LRCH3: variants seen among roughly 807,000 people sequenced by gnomAD.
LRCH3 encodes leucine rich repeats and calponin homology domain containing 3.
In LRCH3, 68 loss-of-function variants were observed where a neutral mutation model predicts 104.5. The observed-to-expected ratio is 0.65, with a 90% CI of 0.54 to 0.80. The LOEUF (loss-of-function observed/expected upper bound fraction) is 0.80, where lower values mean the gene tolerates loss of function less well. Ranked by LOEUF, LRCH3 falls within the 30% of genes least tolerant of loss-of-function variation. The pLI is 0.00. For missense variants in LRCH3, 951 were observed against 953.9 expected (o/e 1.00, Z 0.04); for synonymous variants, 344 against 361.3 (o/e 0.95, Z 0.54).
intron 11 of LRCH3, 122 bp from the exon 12 acceptor site, chr3:197,847,750 A>G (rs1738964180): frequency 1.9e-6 from 1 of 519,792 alleles, no homozygotes; most frequent in Non-Finnish European, 2.6e-6. Flanking sequence ...ATTTCAAGCA[A>G]TGCTAGGTGA....
intron 18 of LRCH3, among the ~76,000 whole-genome samples, 173 bp downstream of exon 18, chr3:197,870,451 T>C (rs1712027320): frequency 6.6e-6 from 1 of 152,122 alleles, no homozygotes; most frequent in Non-Finnish European, 1.5e-5. Context: ...CTGCAGCCTA[T>C]GCCTCGTGGG....
chr3:197,801,721 C>A lies in LRCH3; in HGVS notation c.262+10181C>A, dbSNP rs189215940. On this transcript the variant is annotated intron_variant, in intron 1 of 20. Transcript: ENST00000425562. ...TTCTTGAAGGAGGTATATTAGTTTT[C>A]TGTTGCTAAATAGCAAATTATTACA... is the stretch of plus-strand genomic sequence containing the variant. 8.2e-4 allele frequency among the ~76,000 whole-genome samples: 125 copies of A among 152,238 alleles called. 1 individual carries two copies. The highest frequency in any genetic ancestry group is 6.2e-4 in the South Asian group (3 of 4,826).
intron 10 of LRCH3, 75 bp downstream of exon 10, chr3:197,839,472 G>A: frequency 1.2e-6 from 1 of 843,392 alleles, no homozygotes; most frequent in South Asian, 1.7e-5. Context: ...GTTTTATGCA[G>A]ATCTGTGTGT....
intron 1 of LRCH3, among the ~76,000 whole-genome samples, chr3:197,802,236 G>T (rs1731979513): frequency 6.6e-6 from 1 of 152,112 alleles, no homozygotes; most frequent in African/African-American, 2.4e-5. Context: ...AGATACTCAG[G>T]GTATGAGATC....
chr3:197,867,042 A>T (rs1348055068), intron 17 of LRCH3, among the ~76,000 whole-genome samples: 2 of 152,180 alleles, frequency 1.3e-5, no homozygotes, highest in East Asian at 3.9e-4. Flanking sequence ...TGGGAGGCCA[A>T]GGCGAGCAGA....
chr3:197,820,373 C>G lies in LRCH3; in HGVS notation c.583C>G (p.Leu195Val), dbSNP rs921492651. ...IQTIPSQIGN[L>V]EALRDLNVRR... ...AACTATACCTTCCCAAATTGGTAAC[C>G]TGGAGGCCTTGAGAGACCTTAATGT... Residue 195 changes from leucine (L) to valine (V), a missense_variant, in exon 4 of 21, where the codon CTG becomes GTG. Leu to Val is a conservative substitution (Grantham distance 32, BLOSUM62 1). Coordinates refer to ENST00000425562, the MANE Select transcript of LRCH3 (RefSeq NM_001365715.1). 2.5e-6 allele frequency: 4 copies of G among 1,613,268 alleles called. No individual in the cohort carries two copies. The highest frequency in any genetic ancestry group is 1.7e-5 in the Admixed American group (1 of 59,970).
chr3:197,852,336 C>T (rs1334539745), intron 12 of LRCH3: 16 of 474,272 alleles, frequency 3.4e-5, no homozygotes, highest in East Asian at 2.0e-4. Flanking sequence ...ATAAGTTCAT[C>T]GAGTAAGAGG....
At chr3:197,821,840 C>G (rs2109224788) in intron 4 of LRCH3, among the ~76,000 whole-genome samples, 1 of 152,222 alleles carries the variant, frequency 6.6e-6, no homozygotes, top group African/African-American at 2.4e-5. Context: ...ATGTCACCTA[C>G]TTTTTGTATT....
chr3:197,795,684 T>TTG (rs1491568353), intron 1 of LRCH3, among the ~76,000 whole-genome samples: 1 of 129,066 alleles, frequency 7.7e-6, no homozygotes, highest in Non-Finnish European at 1.6e-5. Context: ...AAAAAAGTTG[T>TTG]TGTTTTTTTT....
At position 197,835,723 on chromosome 3, in the gene LRCH3, G is replaced by C. The variant is rs1736698066; in HGVS notation, c.1152G>C (p.Glu384Asp). ...QIDYIDSCTAEEEEAEVRQPK... is the reference protein window; with the variant it reads ...QIDYIDSCTADEEEAEVRQPK... The stretch of plus-strand genomic sequence containing the variant: ...ACTACATAGACAGCTGCACCGCAGA[G>C]GAAGAGGAGGCCGAGGTGAGACAGC... Residue 384 changes from glutamate (E) to aspartate (D), a missense_variant, in exon 9 of 21, where the codon GAG (glutamate) becomes GAC (aspartate). Glu to Asp is a conservative substitution (Grantham distance 45). Coordinates refer to ENST00000425562, the MANE Select transcript of LRCH3 (RefSeq NM_001365715.1). 1 of 1,613,886 alleles carries C rather than the reference G, an allele frequency of 6.2e-7. No individual in the cohort carries two copies. Among genetic ancestry groups the C allele is most frequent in the Non-Finnish European group, 8.5e-7 (1 of 1,180,012 alleles).
chr3:197,802,765 T>G (rs1013114051), intron 1 of LRCH3, among the ~76,000 whole-genome samples: 2 of 152,224 alleles, frequency 1.3e-5, no homozygotes, highest in Non-Finnish European at 2.9e-5. Flanking sequence ...TTATCCAGTT[T>G]GTTGGCGTAT....
At chr3:197,840,248 G>T (rs763797191) in intron 10 of LRCH3, among the ~76,000 whole-genome samples, 4 of 152,106 alleles carry the variant, frequency 2.6e-5, no homozygotes, top group Non-Finnish European at 5.9e-5. Context: ...GACCAGCCTG[G>T]CCAACGTGGT....
chr3:197,809,542 G>C (rs980743914), intron 1 of LRCH3, among the ~76,000 whole-genome samples: 57 of 151,410 alleles, frequency 3.8e-4, no homozygotes, highest in African/African-American at 1.3e-3. Context: ...ATGAGTGTTA[G>C]ATTATTGTTA....
intron 9 of LRCH3, among the ~76,000 whole-genome samples, chr3:197,836,063 A>G (rs1736750935): frequency 6.6e-6 from 1 of 152,186 alleles, no homozygotes; most frequent in Non-Finnish European, 1.5e-5. Context: ...TGCAGGAGGA[A>G]TAAAAGAAGT....
intron 4 of LRCH3, 68 bp from the exon 5 acceptor site, chr3:197,826,810 A>C (rs1735255682): frequency 6.4e-7 from 1 of 1,563,316 alleles, no homozygotes; most frequent in South Asian, 1.1e-5. Context: ...ATTTAACTAG[A>C]AGCTTTGTAA....
intron 1 of LRCH3, among the ~76,000 whole-genome samples, chr3:197,792,604 T>TATATAA (rs1553912025): frequency 4.8e-4 from 28 of 58,540 alleles, no homozygotes; most frequent in Middle Eastern, 6.6e-3. Context: ...TATATATATA[T>TATATAA]AAAATATACA....
At chr3:197,852,030 CAGT>C (rs1739676228) in intron 12 of LRCH3, among the ~76,000 whole-genome samples, 1 of 152,182 alleles carries the variant, frequency 6.6e-6, no homozygotes. Flanking sequence ...TTATCTCACA[CAGT>C]AGAAGAATCA....
chr3:197,820,496 A>G, intron 4 of LRCH3, 66 bp downstream of exon 4: 1 of 1,104,738 alleles, frequency 9.1e-7, no homozygotes, highest in East Asian at 2.4e-5. Flanking sequence ...CTCTCAGACC[A>G]ATCAAGACAA....
intron 10 of LRCH3, among the ~76,000 whole-genome samples, chr3:197,846,536 A>AG (rs1218600808): frequency 2.0e-5 from 3 of 150,882 alleles, no homozygotes; most frequent in Non-Finnish European, 4.4e-5. Flanking sequence ...TCATTGCCAC[A>AG]GAAAAATTAA....
Sources: allele counts gnomAD v4.1 joint callset (sites outside exome capture counted in the v4.1 genomes callset), GRCh38; gene constraint gnomAD v4.1.1; transcripts MANE v1.5; gene names NCBI Gene and HGNC (gene_info 2026-07-23, HGNC 2026-07-21).